ARID1B: variants seen among roughly 807,000 people sequenced by gnomAD.
ARID1B encodes the protein AT-rich interaction domain 1B.
ARID1B carries 30 observed loss-of-function variants against 212.3 expected under a neutral mutation model. The ratio of observed to expected loss-of-function variants is 0.14; its 90% CI spans 0.11 to 0.19. ARID1B has a LOEUF of 0.19. Ranked by LOEUF, ARID1B falls within the 10% of genes least tolerant of loss-of-function variation. The pLI is 1.00. For missense variants in ARID1B, 2,891 were observed against 3,204.0 expected, an observed-to-expected ratio of 0.90 and a Z score of 2.36; for synonymous variants, 1,402 against 1,301.7, an observed-to-expected ratio of 1.08 and a Z score of -1.66.
At chr6:156,900,119 T>TGAATTC (rs1788797628) in intron 2 of ARID1B, among the ~76,000 whole-genome samples, 1 of 152,208 alleles carries the variant, frequency 6.6e-6, no homozygotes, top group Non-Finnish European at 1.5e-5. Context: ...ACTGTGCTGT[T>TGAATTC]AAATGGCTTG....
At chr6:156,884,639 G>A (rs145465359) in intron 2 of ARID1B, among the ~76,000 whole-genome samples, 7 of 152,314 alleles carry the variant, frequency 4.6e-5, no homozygotes, top group African/African-American at 9.6e-5. Context: ...ATCATAGTCC[G>A]CTAAGGAGGT....
intron 4 of ARID1B, among the ~76,000 whole-genome samples, chr6:157,069,611 A>C (rs1012040352): frequency 6.6e-6 from 1 of 152,124 alleles, no homozygotes. Flanking sequence ...GCATTTATTC[A>C]TGTTCCTTGT....
At chr6:156,877,381 CTGCACTG>C (rs1188075210) in intron 2 of ARID1B, among the ~76,000 whole-genome samples, 5 of 152,166 alleles carry the variant, frequency 3.3e-5, no homozygotes, top group African/African-American at 1.2e-4. Context: ...GTGTTTCACT[CTGCACTG>C]TGCTGTACTG....
At chr6:157,002,881 A>G (rs1778986732) in intron 4 of ARID1B, among the ~76,000 whole-genome samples, 3 of 152,248 alleles carry the variant, frequency 2.0e-5, no homozygotes, top group Non-Finnish European at 4.4e-5. Flanking sequence ...AAGTAAGAAG[A>G]CATCTCAGTG....
chr6:156,792,294 G>GC lies in ARID1B; in HGVS notation c.1791+12830dup, dbSNP rs372787152. 2.4e-3 allele frequency among the ~76,000 whole-genome samples: 358 copies of GC among 152,090 alleles called. 1 individual carries two copies. The highest frequency in any genetic ancestry group is 8.1e-3 in the African/African-American group (337 of 41,484). On this transcript the variant is annotated intron_variant, in intron 1 of 19. Transcript: ENST00000636930. ...TTTCCCCAAGTATCAGTCCTATGCA[G>GC]CCCCCCCTTTTTAAAAAACCATGCA...
At chr6:156,849,669 TGGAA>T (rs1254576579) in intron 2 of ARID1B, among the ~76,000 whole-genome samples, 1 of 152,112 alleles carries the variant, frequency 6.6e-6, no homozygotes, top group African/African-American at 2.4e-5. Flanking sequence ...CATTACTAGA[TGGAA>T]GGGGCAAAAG....
In ARID1B at chr6:157,190,129, C is replaced by G. The variant is rs1182325800; in HGVS notation, c.4150C>G (p.Gln1384Glu). ...CTCCATGACTCCAAACGCCCCCTAC[C>G]AGCAGGGCATGAGCATGCCCGATGT... ...RNSMTPNAPY[Q>E]QGMSMPDVMG... is the part of the protein sequence containing the mutation. The change falls in exon 15 of 20, where the codon CAG becomes GAG. Residue 1384 changes from glutamine to glutamate, a missense_variant. Gln to Glu is a conservative substitution (Grantham distance 29). This residue lies in a region of ARID1B where 666 missense variants were observed against 873.5 expected (regional missense o/e 0.76). Coordinates refer to ENST00000636930, the MANE Select transcript of ARID1B (RefSeq NM_001374828.1). This position sits in a 1 kb window ranked among gnomAD's most constrained non-coding sequence, Gnocchi z 4.6. 9 of 1,614,202 alleles carry G rather than the reference C, an allele frequency of 5.6e-6. No individual in the cohort carries two copies. Among genetic ancestry groups the G allele is most frequent in the Non-Finnish European group, 7.6e-6 (9 of 1,180,046 alleles).
intron 1 of ARID1B, among the ~76,000 whole-genome samples, chr6:156,827,296 C>T (rs957870232): frequency 2.0e-5 from 3 of 152,202 alleles, no homozygotes; most frequent in African/African-American, 7.2e-5. Flanking sequence ...TTGGCTTCTC[C>T]CTCTGCACAC....
intron 2 of ARID1B, among the ~76,000 whole-genome samples, chr6:156,855,926 A>T (rs1784895727): frequency 6.6e-6 from 1 of 152,194 alleles, no homozygotes; most frequent in South Asian, 2.1e-4. Context: ...TAAAGATTAT[A>T]GTGGTTTGTT....
rs186794761 is a variant in ARID1B at position 156,860,693 on chromosome 6, G to C, written c.1986+31272G>C. ...GTTGGCAAAATGATGGTTCTAACTTGCATGTAATGGAATCTTTAGTATACC... is the reference window on the plus strand; with the variant it reads ...GTTGGCAAAATGATGGTTCTAACTTCCATGTAATGGAATCTTTAGTATACC... On this transcript the variant is annotated intron_variant, in intron 2 of 19. Coordinates refer to ENST00000636930, the MANE Select transcript of ARID1B (RefSeq NM_001374828.1). 3.3e-3 allele frequency among the ~76,000 whole-genome samples: 497 copies of C among 152,244 alleles called. 2 individuals are homozygous for C. The highest frequency in any genetic ancestry group is 0.011 in the African/African-American group (473 of 41,538).
At position 156,955,734 on chromosome 6, in the gene ARID1B, GGCC is replaced by G. The variant is rs1793916733; in HGVS notation, c.2247+20159_2247+20161del. Among the ~76,000 whole-genome samples the G allele has an allele frequency of 6.6e-6, 1 of 152,100 alleles. No individual in the cohort carries two copies. Among genetic ancestry groups the G allele is most frequent in the Admixed American group, 6.5e-5 (1 of 15,278 alleles). On this transcript the variant is annotated intron_variant, in intron 4 of 19. Coordinates refer to ENST00000636930, the MANE Select transcript of ARID1B (RefSeq NM_001374828.1). The surrounding 1 kb of genome is among the most constrained non-coding windows in gnomAD (Gnocchi z 4.2). ...GAGAACCTATGCCCATCTCCAGAAG[GGCC>G]CTAGAAACAGAGCCTGGATGTCATG...
intron 4 of ARID1B, among the ~76,000 whole-genome samples, chr6:157,075,714 A>G (rs757180161): frequency 5.9e-5 from 9 of 152,246 alleles, no homozygotes; most frequent in Admixed American, 2.0e-4. Flanking sequence ...CCTCCCCGCT[A>G]TGGTACGATA....
chr6:157,113,301 A>G (rs1787068062), intron 6 of ARID1B, among the ~76,000 whole-genome samples: 1 of 152,114 alleles, frequency 6.6e-6, no homozygotes, highest in African/African-American at 2.4e-5. Context: ...TGATCTCTAA[A>G]CCTCCTCTGA....
intron 2 of ARID1B, among the ~76,000 whole-genome samples, chr6:156,896,938 T>C (rs1788451775): frequency 6.6e-6 from 1 of 152,138 alleles, no homozygotes; most frequent in East Asian, 1.9e-4. Context: ...CCTTTGATCA[T>C]TTCACTCATT....
At chr6:157,132,131 G>A (rs1788592818) in intron 6 of ARID1B, among the ~76,000 whole-genome samples, 1 of 152,236 alleles carries the variant, frequency 6.6e-6, no homozygotes, top group African/African-American at 2.4e-5. Context: ...TGGTACAGCT[G>A]TGGTGTGGGC....
At chr6:157,204,791 A>G (rs1229682568) in intron 19 of ARID1B, 1 of 152,204 alleles carries the variant, frequency 6.6e-6, no homozygotes, top group Non-Finnish European at 1.5e-5. Flanking sequence ...TAAAAAATGG[A>G]AAAAGGTCAT....
chr6:156,785,804 G>A (rs529278336), intron 1 of ARID1B, among the ~76,000 whole-genome samples: 16 of 152,196 alleles, frequency 1.1e-4, no homozygotes, highest in African/African-American at 2.6e-4. Context: ...AAATTCTTCC[G>A]CAGACATTCC....
chr6:156,872,571 T>G (rs1236684288), intron 2 of ARID1B, among the ~76,000 whole-genome samples: 1 of 152,186 alleles, frequency 6.6e-6, no homozygotes, highest in Non-Finnish European at 1.5e-5. Context: ...TCCGCGCGCC[T>G]CAGCCTCCCA....
At chr6:156,907,276 C>G (rs1789476075) in intron 3 of ARID1B, among the ~76,000 whole-genome samples, 1 of 152,044 alleles carries the variant, frequency 6.6e-6, no homozygotes, top group South Asian at 2.1e-4. Flanking sequence ...AGGAAGTTCC[C>G]TTCTTTTCTA....
Sources: allele counts gnomAD v4.1 joint callset (sites outside exome capture counted in the v4.1 genomes callset), GRCh38; gene constraint gnomAD v4.1.1; regional missense constraint gnomAD v4.1.1; non-coding constraint Gnocchi (gnomAD v3.1); transcripts MANE v1.5; gene names NCBI Gene and HGNC (gene_info 2026-07-23, HGNC 2026-07-21).